AP5Z1: variants seen among roughly 807,000 people sequenced by gnomAD.
AP5Z1 encodes AP-5 complex subunit zeta-1.
AP5Z1 carries 106 observed loss-of-function variants against 83.0 expected under a neutral mutation model. That is an observed-to-expected ratio of 1.28 (90% CI 1.09 to 1.50). The LOEUF (loss-of-function observed/expected upper bound fraction) is 1.50, where lower values mean the gene tolerates loss of function less well. Among genes scored for constraint, AP5Z1 ranks in the 40% most tolerant of loss-of-function variants. The pLI, the probability that AP5Z1 is intolerant of heterozygous loss-of-function variation, is 0.00. For missense variants in AP5Z1, 1,565 were observed against 1,094.2 expected, an observed-to-expected ratio of 1.43 and a Z score of -6.07; for synonymous variants, 751 against 514.1, an observed-to-expected ratio of 1.46 and a Z score of -6.23.
intron 13 of AP5Z1, among the ~76,000 whole-genome samples, chr7:4,789,419 C>G (rs1442129778): frequency 6.6e-6 from 1 of 152,200 alleles, no homozygotes; most frequent in Non-Finnish European, 1.5e-5. Flanking sequence ...AATAAAGGCT[C>G]CCACAGGCTG....
intron 11 of AP5Z1, among the ~76,000 whole-genome samples, 156 bp from the exon 12 acceptor site, chr7:4,787,998 G>A (rs912311162): frequency 2.6e-5 from 4 of 152,198 alleles, no homozygotes; most frequent in Middle Eastern, 3.4e-3. Flanking sequence ...TGCCTCACCC[G>A]TCTTCACGCC....
Position 4,786,298 on chromosome 7 carries a change from C to T in AP5Z1, c.1181C>T (p.Thr394Ile), listed in dbSNP as rs1414208753. 12 of 1,613,504 alleles carry T rather than the reference C, an allele frequency of 7.4e-6. No homozygotes were observed. Among genetic ancestry groups the T allele is most frequent in the South Asian group, 1.1e-5 (1 of 91,052 alleles). ...GAAGCCGTCTACCAGCACCTGTTCACCAGGATCCCGGTGGAGCAGTTCCAC... is the reference window on the plus strand; with the variant it reads ...GAAGCCGTCTACCAGCACCTGTTCATCAGGATCCCGGTGGAGCAGTTCCAC... ...DSEAVYQHLFTRIPVEQFHSP... is the reference protein window; with the variant it reads ...DSEAVYQHLFIRIPVEQFHSP... Residue 394 changes from threonine to isoleucine, a missense_variant, in exon 10 of 17, where the codon ACC becomes ATC. Physicochemically the swap from Thr to Ile is moderately conservative, Grantham distance 89. Coordinates refer to ENST00000649063, the MANE Select transcript of AP5Z1 (RefSeq NM_014855.3).
rs1781810958 is a variant in AP5Z1, at chr7:4,792,398, C to T, written c.*1013C>T. The T allele has an allele frequency of 1.3e-5, 2 of 152,046 alleles. No individual in the cohort carries two copies. Among genetic ancestry groups the T allele is most frequent in the African/African-American group, 2.4e-5 (1 of 41,352 alleles). The allele number at this position is 152,046 out of a possible 1,614,324, so 9.4% of individuals were successfully genotyped here. A position where few individuals can be genotyped will look rare whatever the true frequency, so the allele number is the denominator to read the frequency against. On this transcript the variant is annotated 3_prime_UTR_variant, in exon 17 of 17. Coordinates refer to ENST00000649063, the MANE Select transcript of AP5Z1 (RefSeq NM_014855.3). ...GGCCTCGGCCCCGCCCCCAATCCCC[C>T]ATAGCTCTGCGACTAAGAAACCACA...
At chr7:4,785,156 G>A in intron 7 of AP5Z1, 108 bp downstream of exon 7, 2 of 1,484,158 alleles carry the variant, frequency 1.3e-6, no homozygotes, top group Non-Finnish European at 9.0e-7. Flanking sequence ...CACAGAGGGG[G>A]TCCCTGGGTA....
Position 4,788,184 on chromosome 7 carries a change from C to G in AP5Z1, c.1485C>G (p.Leu495=), listed in dbSNP as rs377274807. ...RSAPAASERP[L]WDTSLRAPSC... ...CACCGGCTGCATCCGAGAGGCCACTCTGGGACACCTCTCTCAGGGCCCCCA... is the reference window on the plus strand; with the variant it reads ...CACCGGCTGCATCCGAGAGGCCACTGTGGGACACCTCTCTCAGGGCCCCCA... The change falls in exon 12 of 17, where the codon CTC becomes CTG. Residue 495 remains leucine (L), a synonymous_variant. Coordinates refer to ENST00000649063, the MANE Select transcript of AP5Z1 (RefSeq NM_014855.3). The G allele has an allele frequency of 2.7e-5, 42 of 1,558,598 alleles. No homozygotes were observed. The African/African-American group carries it at 3.1e-4, about 12-fold the overall frequency.
At chr7:4,783,245 G>C (rs1487525687) in intron 3 of AP5Z1, 71 bp from the exon 4 acceptor site, 2 of 1,491,586 alleles carry the variant, frequency 1.3e-6, no homozygotes, top group Non-Finnish European at 1.8e-6. Context: ...GTGTCACACA[G>C]ACTTCCGAAA....
intron 1 of AP5Z1, among the ~76,000 whole-genome samples, chr7:4,777,322 T>C (rs1416741936): frequency 6.6e-6 from 1 of 152,088 alleles, no homozygotes; most frequent in East Asian, 1.9e-4. Context: ...GGTCATAAAC[T>C]TGTGACATGA....
intron 5 of AP5Z1, 123 bp from the exon 6 acceptor site, chr7:4,784,080 G>A (rs772618190): frequency 4.9e-5 from 59 of 1,212,174 alleles, no homozygotes; most frequent in East Asian, 7.7e-5. Flanking sequence ...CACACAGGGC[G>A]GGCCGCTGCC....
At chr7:4,789,698 G>T in intron 13 of AP5Z1, 134 bp from the exon 14 acceptor site, 1 of 622,708 alleles carries the variant, frequency 1.6e-6, no homozygotes, top group Admixed American at 3.0e-5. Flanking sequence ...TGTGTCCCTG[G>T]GTGTTGGGGA....
At chr7:4,785,760 C>CTTTTT (rs74274130) in intron 9 of AP5Z1, 76 bp downstream of exon 9, 36 of 1,140,748 alleles carry the variant, frequency 3.2e-5, no homozygotes, top group African/African-American at 1.1e-4. Flanking sequence ...TTCTTCTTCC[C>CTTTTT]TTTTTTTTTT....
rs995063153 is a variant in AP5Z1, at chr7:4,786,198, C to T, written c.1133-52C>T. On this transcript the variant is annotated intron_variant, in intron 9 of 16. Transcript: ENST00000649063. ...CAGGGCCCCTAACCAGTCACAGAAG[C>T]ACGGCCAGGGCGAGGTCAAGACGTG... The T allele has an allele frequency of 9.9e-6, 15 of 1,513,890 alleles. 1 individual carries two copies. The highest frequency in any genetic ancestry group is 5.2e-5 in the South Asian group (4 of 76,256). The allele number at this position is 1,513,890 out of a possible 1,614,324, so 93.8% of individuals were successfully genotyped here.
intron 1 of AP5Z1, among the ~76,000 whole-genome samples, chr7:4,780,479 C>T (rs991943509): frequency 5.3e-5 from 8 of 151,408 alleles, no homozygotes; most frequent in Admixed American, 3.9e-4. Flanking sequence ...ATTAGCCGGG[C>T]GTAGGCCAGG....
rs1321230079 is a variant in AP5Z1, at chr7:4,787,567, G to C, written c.1312-67G>C. On this transcript the variant is annotated intron_variant, in intron 10 of 16. Coordinates refer to ENST00000649063, the MANE Select transcript of AP5Z1 (RefSeq NM_014855.3). Reference sequence around the variant, plus strand: ...CTGGGACAGCTGTGGGGCCCTAGCTGGCTCCTCCCTCTGCCGCCTGCTCCA... The same window carrying C: ...CTGGGACAGCTGTGGGGCCCTAGCTCGCTCCTCCCTCTGCCGCCTGCTCCA... 5 of 1,513,664 alleles carry C rather than the reference G, an allele frequency of 3.3e-6. No homozygotes were observed. The East Asian group carries it at 1.2e-4, about 37-fold the overall frequency. The allele number at this position is 1,513,664 out of a possible 1,614,324, so 93.8% of individuals were successfully genotyped here.
rs1781698449 is a variant in AP5Z1, at chr7:4,789,946, C to T, written c.1805+17C>T. ...TGTGCACAGGTAGGTCCCTCCTGCG[C>T]TCCTGCCACAGCCCTGGGCGGGTGC... On this transcript the variant is annotated intron_variant, in intron 14 of 16. Transcript: ENST00000649063. The T allele has an allele frequency of 6.6e-7, 1 of 1,517,930 alleles. No homozygotes were observed. Among genetic ancestry groups the T allele is most frequent in the African/African-American group, 1.4e-5 (1 of 72,606 alleles). The allele number at this position is 1,517,930 out of a possible 1,614,324, so 94.0% of individuals were successfully genotyped here.
intron 12 of AP5Z1, chr7:4,788,603 C>G (rs549057039): frequency 2.0e-6 from 1 of 498,442 alleles, no homozygotes; most frequent in Non-Finnish European, 3.5e-6. Flanking sequence ...GGCCTGGGAC[C>G]GGCCACAGGC....
At position 4,790,812 on chromosome 7, in the gene AP5Z1, GT is replaced by G. The variant is rs748132854; in HGVS notation, c.2079del (p.Gln696ArgfsTer6). 35 of 1,609,180 alleles carry G rather than the reference GT, an allele frequency of 2.2e-5. No individual in the cohort carries two copies. Among genetic ancestry groups the G allele is most frequent in the Non-Finnish European group, 1.7e-6 (2 of 1,178,900 alleles). On this transcript the variant is annotated frameshift_variant, in exon 16 of 17. Transcript: ENST00000649063. LOFTEE classifies it high-confidence loss of function. ...QCRPSAALPR[C>X]PPQVVTVLMT... Reference sequence around the variant, plus strand: ...CGCCCCTCTGCTGCCCTGCCCAGGTGTCCCCCCCAGGTGGTCACCGTGCTGA... The same window carrying G: ...CGCCCCTCTGCTGCCCTGCCCAGGTGCCCCCCCAGGTGGTCACCGTGCTGA...
chr7:4,782,871 C>T (rs1249227387), intron 3 of AP5Z1, among the ~76,000 whole-genome samples: 1 of 152,214 alleles, frequency 6.6e-6, no homozygotes, highest in Non-Finnish European at 1.5e-5. Context: ...TCCCAGCCAC[C>T]CAGCCGCCCT....
At chr7:4,780,261 C>T (rs974713899) in intron 1 of AP5Z1, among the ~76,000 whole-genome samples, 40 of 152,054 alleles carry the variant, frequency 2.6e-4, no homozygotes, top group African/African-American at 9.4e-4. Context: ...ATTAGTTATT[C>T]GAGTAAAAAA....
rs780356184 is a variant in AP5Z1, at chr7:4,788,246, G to T, written c.1547G>T (p.Gly516Val). ...LEAFRDPQFQGLFQYLLRPKA... is the reference protein window; with the variant it reads ...LEAFRDPQFQVLFQYLLRPKA... ...GCCTTCCGGGACCCGCAGTTCCAGG[G>T]TCTTTTCCAATACCTGCTGCGCCCC... Residue 516 changes from glycine to valine, a missense_variant, in exon 12 of 17, where the codon GGT becomes GTT. Gly to Val is a moderately radical substitution (Grantham distance 109, BLOSUM62 -3). Transcript: ENST00000649063. 2 of 1,586,676 alleles carry T rather than the reference G, an allele frequency of 1.3e-6. No individual in the cohort carries two copies. The highest frequency in any genetic ancestry group is 1.7e-6 in the Non-Finnish European group (2 of 1,167,894).
Sources: allele counts gnomAD v4.1 joint callset (sites outside exome capture counted in the v4.1 genomes callset), GRCh38; gene constraint gnomAD v4.1.1; transcripts MANE v1.5; gene names NCBI Gene and HGNC (gene_info 2026-07-23, HGNC 2026-07-21).